The following STS variants were observed in gnomAD, a reference collection of about 807,000 sequenced individuals.
STS encodes the protein steryl-sulfatase.
Under a neutral mutation model 26.8 loss-of-function variants are expected in STS, and 7 were observed. That is an observed-to-expected ratio of 0.26 (90% CI 0.15 to 0.49). The LOEUF (loss-of-function observed/expected upper bound fraction) is 0.49. Ranked by LOEUF, STS falls within the 20% of genes least tolerant of loss-of-function variation. The probability of loss-of-function intolerance (pLI) is 0.98; values close to 1 mark genes in which losing one functional copy is unlikely to be tolerated. For missense variants in STS, 434 were observed against 465.6 expected (o/e 0.93, Z 0.63); for synonymous variants, 199 against 189.4 (o/e 1.05, Z -0.42).
intron 1 of STS, among the ~76,000 whole-genome samples, chrX:7,187,605 C>T (rs1409407987): frequency 1.8e-5 from 2 of 112,178 alleles, no homozygotes; most frequent in Non-Finnish European, 3.8e-5. Flanking sequence ...ATGCCTTTAA[C>T]TCTTTTTGAC....
intron 2 of STS, among the ~76,000 whole-genome samples, chrX:7,200,659 A>G (rs1934053393): frequency 9.0e-6 from 1 of 111,612 alleles, no homozygotes; most frequent in Non-Finnish European, 1.9e-5. Context: ...TGGATGCCCC[A>G]GTGCCACAGT....
chrX:7,244,732 C>G (rs1271595278), intron 2 of STS, among the ~76,000 whole-genome samples: 1 of 111,283 alleles, frequency 9.0e-6, no homozygotes, highest in Non-Finnish European at 1.9e-5. Context: ...AAGCATCTTA[C>G]AATGCACAGA....
At chrX:7,297,429 G>C (rs1300596676) in intron 7 of STS, among the ~76,000 whole-genome samples, 1 of 111,116 alleles carries the variant, frequency 9.0e-6, no homozygotes, top group Non-Finnish European at 1.9e-5. Flanking sequence ...GTGTTAGTTT[G>C]GTTCAGCCAG....
Position 7,274,323 on chromosome X carries a change from A to G in STS, c.807-1628A>G, listed in dbSNP as rs746849945. On this transcript the variant is annotated intron_variant, in intron 6 of 10. Transcript: ENST00000674429. ...CATTAAGGTGTGTCTGTCCCCTCTA[A>G]GCATTGCAGCTTCTTGCACAAATCT... Among the ~76,000 whole-genome samples, 8 of 111,380 alleles carry G rather than the reference A, an allele frequency of 7.2e-5. No homozygotes were observed. The East Asian group carries it at 2.3e-3, about 32-fold the overall frequency.
rs144610203 is a variant in STS, at chrX:7,325,513, G to C, written c.1241+15G>C. On this transcript the variant is annotated intron_variant, in intron 9 of 10. Transcript: ENST00000674429. ...CCTGAGGACAGGTACTCTGATGCCA[G>C]GGTGGTTGGTATTGTTGAGCTCTGA... 1.3e-3 allele frequency: 1,594 copies of C among 1,208,538 alleles called. 42 individuals carry two copies. In the East Asian group the frequency reaches 0.043, roughly 32 times the overall value.
intron 9 of STS, among the ~76,000 whole-genome samples, chrX:7,326,020 G>C (rs1280599410): frequency 8.9e-6 from 1 of 111,906 alleles, no homozygotes; most frequent in Non-Finnish European, 1.9e-5. Flanking sequence ...TTTTAGGTTT[G>C]ATGCTGGCTT....
At chrX:7,258,907 GA>G (rs200914929) in intron 5 of STS, among the ~76,000 whole-genome samples, 2,937 of 95,082 alleles carry the variant, frequency 0.031, 52 homozygotes, top group Non-Finnish European at 0.051. Flanking sequence ...CCAGGAAAAA[GA>G]AAAAAAAAAA....
chrX:7,298,701 C>T (rs1298204392), intron 7 of STS, among the ~76,000 whole-genome samples: 1 of 109,915 alleles, frequency 9.1e-6, no homozygotes, highest in Admixed American at 1.0e-4. Flanking sequence ...TCGTAGCCAC[C>T]CCCAGGTGGT....
Position 7,305,078 on chromosome X carries a change from T to C in STS, c.976T>C (p.Leu326=). 8.3e-7 allele frequency: 1 copy of C among 1,211,114 alleles called. No individual in the cohort carries two copies. The highest frequency in any genetic ancestry group is 1.8e-5 in the South Asian group (1 of 56,993). Residue 326 remains leucine, a synonymous_variant, in exon 8 of 11, where the codon TTG becomes CTG. Transcript: ENST00000674429. ...QILNLLDELR[L]ANDTLIYFTS... ...CTTGAACCTTCTGGATGAGCTGAGA[T>C]TGGCTAATGATACCCTCATCTACTT...
At chrX:7,270,651 G>T (rs1159944640) in intron 6 of STS, among the ~76,000 whole-genome samples, 1 of 111,822 alleles carries the variant, frequency 8.9e-6, no homozygotes, top group African/African-American at 3.3e-5. Context: ...CACCCCTATA[G>T]AATAAAAAAC....
chrX:7,215,315 C>T (rs922886680), intron 2 of STS, among the ~76,000 whole-genome samples: 4 of 108,892 alleles, frequency 3.7e-5, no homozygotes, highest in Non-Finnish European at 7.6e-5. Context: ...GGAGTGAGAA[C>T]AAGGTGTTTT....
At chrX:7,163,115 A>G (rs189570641) in intron 1 of STS, among the ~76,000 whole-genome samples, 2 of 108,959 alleles carry the variant, frequency 1.8e-5, no homozygotes, top group East Asian at 2.9e-4. Flanking sequence ...GGGTTTTTCA[A>G]CCTCAGCACT....
intron 2 of STS, among the ~76,000 whole-genome samples, chrX:7,226,829 A>G (rs1921828849): frequency 8.9e-6 from 1 of 111,995 alleles, no homozygotes; most frequent in South Asian, 3.8e-4. Flanking sequence ...CAGGAGGTCA[A>G]TGCTGCAGTG....
chrX:7,281,441 A>G (rs755641658), intron 7 of STS, among the ~76,000 whole-genome samples: 4 of 111,738 alleles, frequency 3.6e-5, no homozygotes, highest in Admixed American at 1.9e-4. Flanking sequence ...GGACATTGCT[A>G]TCGTACCCTC....
chrX:7,275,379 A>G (rs769544054), intron 6 of STS, among the ~76,000 whole-genome samples: 1 of 111,632 alleles, frequency 9.0e-6, no homozygotes, highest in South Asian at 3.8e-4. Flanking sequence ...CATGGTAAAC[A>G]TATATTATTG....
At chrX:7,340,938 AG>A (rs1162742168) in intron 10 of STS, among the ~76,000 whole-genome samples, 2 of 112,062 alleles carry the variant, frequency 1.8e-5, no homozygotes, top group Admixed American at 1.9e-4. Flanking sequence ...CTCAGAGGCC[AG>A]AAGTTGGTCA....
chrX:7,229,989 C>A (rs1187353539), intron 2 of STS, among the ~76,000 whole-genome samples: 2 of 110,962 alleles, frequency 1.8e-5, no homozygotes, highest in African/African-American at 6.6e-5. Flanking sequence ...AGAGATCCTC[C>A]GACCTCAGCC....
At chrX:7,152,713 C>T (rs190568956) in intron 1 of STS, among the ~76,000 whole-genome samples, 1 of 112,882 alleles carries the variant, frequency 8.9e-6, no homozygotes, top group East Asian at 2.8e-4. Context: ...GACATCATTG[C>T]TCTCAACCAT....
chrX:7,302,571 T>A lies in STS; in HGVS notation c.944-2475T>A, dbSNP rs182786386. Among the ~76,000 whole-genome samples, 620 of 111,890 alleles carry A rather than the reference T, an allele frequency of 5.5e-3. 4 individuals are homozygous for A. Among genetic ancestry groups the A allele is most frequent in the African/African-American group, 0.02 (601 of 30,800 alleles). On this transcript the variant is annotated intron_variant, in intron 7 of 10. Transcript: ENST00000674429. ...ATGGTGTGGGTTCTGGGAATGTTTA[T>A]CATTTGAGTTAAAAATTGAGAAACA...
Sources: allele counts gnomAD v4.1 joint callset (sites outside exome capture counted in the v4.1 genomes callset), GRCh38; gene constraint gnomAD v4.1.1; transcripts MANE v1.5; gene names NCBI Gene and HGNC (gene_info 2026-07-23, HGNC 2026-07-21).